The following ASB3 variants were observed in gnomAD, a reference collection of about 807,000 sequenced individuals.
ASB3 encodes ankyrin repeat and SOCS box protein 3.
ASB3 carries 41 observed loss-of-function variants against 54.5 expected under a neutral mutation model. That is an observed-to-expected ratio of 0.75 (90% CI 0.59 to 0.98). ASB3 has a LOEUF of 0.98. Among genes scored for constraint, ASB3 ranks in the 50% least tolerant of loss-of-function variants. ASB3 has a pLI of 0.00. For synonymous variants in ASB3, 266 were observed against 221.2 expected (o/e 1.20, Z -1.80); for missense variants, 733 against 620.0 (o/e 1.18, Z -1.94).
At chr2:53,768,048 T>G in intron 1 of ASB3, 1 of 1,610,058 alleles carries the variant, frequency 6.2e-7, no homozygotes, top group Non-Finnish European at 8.5e-7. Context: ...CTCCCCACAC[T>G]TACTGCCCCC....
At chr2:53,732,483 T>A (rs998169051) in intron 3 of ASB3, among the ~76,000 whole-genome samples, 1 of 152,162 alleles carries the variant, frequency 6.6e-6, no homozygotes, top group Non-Finnish European at 1.5e-5. Context: ...GATTATCAGG[T>A]TGTCAACAGT....
At chr2:53,710,855 T>C (rs1670053933) in intron 7 of ASB3, among the ~76,000 whole-genome samples, 1 of 152,092 alleles carries the variant, frequency 6.6e-6, no homozygotes, top group African/African-American at 2.4e-5. Flanking sequence ...GGCTGGGTGC[T>C]GTGGCTCACG....
chr2:53,744,728 C>G (rs1672135481), intron 3 of ASB3, among the ~76,000 whole-genome samples: 1 of 152,058 alleles, frequency 6.6e-6, no homozygotes. Flanking sequence ...CAAAAAATAG[C>G]CTTATGAATG....
chr2:53,784,715 T>A (rs1362423746), intron 1 of ASB3, among the ~76,000 whole-genome samples: 3 of 152,170 alleles, frequency 2.0e-5, no homozygotes. Context: ...TCCCTCTTCT[T>A]ATAAAGATAC....
intron 5 of ASB3, among the ~76,000 whole-genome samples, chr2:53,721,398 CAA>C (rs1195017138): frequency 1.3e-3 from 110 of 87,358 alleles, no homozygotes; most frequent in African/African-American, 2.4e-3. Context: ...TACTAAACTA[CAA>C]AAAAAAAAAA....
chr2:53,671,684 GGGAGGC>G lies in ASB3; in HGVS notation c.1370-1000_1370-995del, dbSNP rs1423821466. Among the ~76,000 whole-genome samples the G allele has an allele frequency of 8.0e-3, 1,180 of 148,184 alleles. 37 individuals carry two copies. The highest frequency in any genetic ancestry group is 0.028 in the African/African-American group (1,120 of 40,406). On this transcript the variant is annotated intron_variant, in intron 9 of 9. Coordinates refer to ENST00000263634, the MANE Select transcript of ASB3 (RefSeq NM_016115.5). ...TGAGGCAAAATAATTGCTTGAACCT[GGGAGGC>G]GGAGGTTGCAGTGAGCCGAGATCAT... is the stretch of plus-strand genomic sequence containing the variant.
chr2:53,715,966 ATAGG>A (rs1457348567), intron 6 of ASB3, among the ~76,000 whole-genome samples: 1 of 152,210 alleles, frequency 6.6e-6, no homozygotes, highest in Non-Finnish European at 1.5e-5. Context: ...CCAATTTATG[ATAGG>A]TAGCCATATT....
chr2:53,722,673 T>C (rs1281139073), intron 5 of ASB3, among the ~76,000 whole-genome samples: 1 of 152,038 alleles, frequency 6.6e-6, no homozygotes, highest in African/African-American at 2.4e-5. Flanking sequence ...CTCAACAAAC[T>C]AGGCATTGAA....
rs1667738554 is a variant in ASB3, at chr2:53,670,019, A to T, written c.*484T>A. The stretch of plus-strand genomic sequence containing the variant: ...CTTTAATAAACATAAGAGATAGTCA[A>T]GTCTAAATAAAATAATAATGATAAT... On this transcript the variant is annotated 3_prime_UTR_variant, in exon 10 of 10. Transcript: ENST00000263634. The T allele has an allele frequency of 6.6e-6, 1 of 151,614 alleles. No homozygotes were observed. Among genetic ancestry groups the T allele is most frequent in the African/African-American group, 2.4e-5 (1 of 41,246 alleles). 9.4% of individuals were successfully genotyped at this position (151,614 alleles called of 1,614,324 possible).
At chr2:53,696,250 G>A (rs534657133) in intron 8 of ASB3, among the ~76,000 whole-genome samples, 2 of 152,160 alleles carry the variant, frequency 1.3e-5, no homozygotes, top group Non-Finnish European at 2.9e-5. Context: ...TCAGAATACC[G>A]AAAGTTTCAC....
intron 9 of ASB3, among the ~76,000 whole-genome samples, chr2:53,687,086 G>A (rs773511533): frequency 2.6e-5 from 4 of 152,086 alleles, no homozygotes; most frequent in Non-Finnish European, 4.4e-5. Flanking sequence ...ACAGCAAAAT[G>A]TCCCAGCAAA....
At chr2:53,758,013 A>T (rs1377375195) in intron 2 of ASB3, among the ~76,000 whole-genome samples, 1 of 152,062 alleles carries the variant, frequency 6.6e-6, no homozygotes, top group Non-Finnish European at 1.5e-5. Flanking sequence ...GAAGAGACAG[A>T]GAGAGAGAGA....
In ASB3 at chr2:53,695,728, G is replaced by A. The variant is rs377214083; in HGVS notation, c.1239-1714C>T. On this transcript the variant is annotated intron_variant, in intron 8 of 9. Transcript: ENST00000263634. ...ATAGACCAGTTGTACAATCATAAAC[G>A]AGTGACATTTAATCAACTAAATGCA... 9.9e-5 allele frequency among the ~76,000 whole-genome samples: 15 copies of A among 152,120 alleles called. No homozygotes were observed. In the South Asian group the frequency reaches 2.5e-3, roughly 25 times the overall value.
intron 7 of ASB3, among the ~76,000 whole-genome samples, chr2:53,700,932 C>G (rs1236192911): frequency 6.6e-6 from 1 of 152,166 alleles, no homozygotes; most frequent in African/African-American, 2.4e-5. Flanking sequence ...TCTAAGATAT[C>G]ATTTTCCTTA....
At chr2:53,723,015 T>C (rs1028089793) in intron 5 of ASB3, among the ~76,000 whole-genome samples, 9 of 152,162 alleles carry the variant, frequency 5.9e-5, no homozygotes, top group African/African-American at 1.9e-4. Flanking sequence ...AATCAATGTA[T>C]AAAATCAGCA....
chr2:53,733,222 G>C (rs1280632014), intron 3 of ASB3, among the ~76,000 whole-genome samples: 1 of 152,200 alleles, frequency 6.6e-6, no homozygotes, highest in Non-Finnish European at 1.5e-5. Context: ...GAGCTATCTA[G>C]ATGTAGAGAG....
chr2:53,747,078 C>A (rs1039810133), intron 3 of ASB3, among the ~76,000 whole-genome samples: 1 of 152,104 alleles, frequency 6.6e-6, no homozygotes, highest in African/African-American at 2.4e-5. Flanking sequence ...AACTATGCAT[C>A]TCTAATTTTC....
intron 8 of ASB3, 50 bp from the exon 9 acceptor site, chr2:53,694,064 G>T: frequency 2.5e-6 from 4 of 1,595,632 alleles, no homozygotes; most frequent in Non-Finnish European, 2.6e-6. Flanking sequence ...CATGCCAAGG[G>T]TTCGTACTTG....
chr2:53,687,709 G>T (rs1222458951), intron 9 of ASB3, among the ~76,000 whole-genome samples: 1 of 152,100 alleles, frequency 6.6e-6, no homozygotes, highest in Non-Finnish European at 1.5e-5. Flanking sequence ...GTAAGTTAGG[G>T]CTTTGCATAT....
Sources: allele counts gnomAD v4.1 joint callset (sites outside exome capture counted in the v4.1 genomes callset), GRCh38; gene constraint gnomAD v4.1.1; transcripts MANE v1.5; gene names NCBI Gene and HGNC (gene_info 2026-07-23, HGNC 2026-07-21).